The following SLC1A7 variants were observed in gnomAD, a reference collection of about 807,000 sequenced individuals.
SLC1A7 encodes the protein solute carrier family 1 member 7, also known as excitatory amino acid transporter 5.
In SLC1A7, 40 loss-of-function variants were observed where a neutral mutation model predicts 47.7. The observed-to-expected ratio is 0.84, with a 90% CI of 0.65 to 1.09. The LOEUF (loss-of-function observed/expected upper bound fraction) is 1.09, where lower values mean the gene tolerates loss of function less well. Ranked by LOEUF, SLC1A7 falls within the 50% of genes least tolerant of loss-of-function variation. The probability of loss-of-function intolerance (pLI) is 0.00; values close to 1 mark genes in which losing one functional copy is unlikely to be tolerated. For synonymous variants in SLC1A7, 323 were observed against 325.6 expected (o/e 0.99, Z 0.09); for missense variants, 746 against 769.5 (o/e 0.97, Z 0.36).
At chr1:53,103,185 C>G (rs1038871438) in intron 5 of SLC1A7, 161 bp downstream of exon 5, 2 of 582,978 alleles carry the variant, frequency 3.4e-6, no homozygotes, top group East Asian at 6.3e-5. Flanking sequence ...GGTGGGGAGG[C>G]GAAGGATTTA....
rs528836623 is a variant in SLC1A7 at position 53,089,099 on chromosome 1, C to T, written c.1362-120G>A. ...CCAGCTGTCATGCAAAGCCTGCAGC[C>T]AGATGGCTTCCTGGCTCCTCCCAAG... On this transcript the variant is annotated intron_variant, in intron 9 of 10. Coordinates refer to ENST00000371494, the MANE Select transcript of SLC1A7 (RefSeq NM_006671.6). 67 of 794,296 alleles carry T rather than the reference C, an allele frequency of 8.4e-5. No homozygotes were observed. The Admixed American group carries it at 1.1e-3, about 13-fold the overall frequency. The allele number at this position is 794,296 out of a possible 1,614,324, so 49.2% of individuals were successfully genotyped here.
chr1:53,093,386 A>G, intron 6 of SLC1A7, 75 bp downstream of exon 6: 1 of 1,171,232 alleles, frequency 8.5e-7, no homozygotes, highest in South Asian at 1.3e-5. Context: ...TTTACGGGAG[A>G]AGAGGGTGGG....
rs200721868 is a variant in SLC1A7, at chr1:53,088,003, G to A, written c.*6C>T. ...AGGCCTCGCCTGCCCCTGCAGCTCC[G>A]CAGGCTCAGACATTGGTCTCCAGCT... On this transcript the variant is annotated 3_prime_UTR_variant, in exon 11 of 11. Coordinates refer to ENST00000371494, the MANE Select transcript of SLC1A7 (RefSeq NM_006671.6). 1.2e-5 allele frequency: 17 copies of A among 1,474,438 alleles called. No individual in the cohort carries two copies. The East Asian group carries it at 1.5e-4, about 13-fold the overall frequency. The allele number at this position is 1,474,438 out of a possible 1,614,324, so 91.3% of individuals were successfully genotyped here. A position where few individuals can be genotyped will look rare whatever the true frequency, so the allele number is the denominator to read the frequency against.
In SLC1A7 at chr1:53,125,364, G is replaced by A. The variant is rs369772734; in HGVS notation, c.215+8986C>T. Among the ~76,000 whole-genome samples the A allele has an allele frequency of 4.6e-4, 70 of 152,308 alleles. 1 individual carries two copies. Among genetic ancestry groups the A allele is most frequent in the African/African-American group, 1.7e-3 (69 of 41,546 alleles). On this transcript the variant is annotated intron_variant, in intron 2 of 10. Transcript: ENST00000371494. ...AGGCAGCACTGTCAGGGGAAGGGAG[G>A]AGCTGTTGTGGCTTGATGAATGCCT...
chr1:53,127,039 T>TTTTTC (rs1491146465), intron 2 of SLC1A7, among the ~76,000 whole-genome samples: 1 of 402 alleles, frequency 2.5e-3, no homozygotes, highest in Non-Finnish European at 4.4e-3. Context: ...ATTTTAAAAG[T>TTTTTC]TTTTTTTTTT....
chr1:53,129,720 A>G lies in SLC1A7; in HGVS notation c.215+4630T>C, dbSNP rs1006913193. Among the ~76,000 whole-genome samples the G allele has an allele frequency of 4.2e-5, 6 of 141,422 alleles. 2 individuals are homozygous for G. The Admixed American group carries it at 4.3e-4, about 10-fold the overall frequency. 92.8% of individuals were successfully genotyped at this position (141,422 alleles called of 152,430 possible). ...CTCCATGGCAGCCCAGGGGCCTTTC[A>G]GCCCTCACGTCCACCCTTGCAGTCA... On this transcript the variant is annotated intron_variant, in intron 2 of 10. Coordinates refer to ENST00000371494, the MANE Select transcript of SLC1A7 (RefSeq NM_006671.6).
chr1:53,090,636 T>A lies in SLC1A7; in HGVS notation c.1202A>T (p.Asp401Val). The A allele has an allele frequency of 6.2e-7, 1 of 1,602,170 alleles. No homozygotes were observed. Among genetic ancestry groups the A allele is most frequent in the Non-Finnish European group, 8.5e-7 (1 of 1,172,132 alleles). ...FIAQVNNYEL[D>V]FGQIITISIT... ...CCTGATGGTGATGATCTGGCCAAAG[T>A]CCAGCTCGTAGTTGTTGACCTGGGC... is the stretch of plus-strand genomic sequence containing the variant. The change falls in exon 8 of 11, where the codon GAC becomes GTC. Residue 401 changes from aspartate (D) to valine (V), a missense_variant. Physicochemically the swap from Asp to Val is radical, Grantham distance 152. Coordinates refer to ENST00000371494, the MANE Select transcript of SLC1A7 (RefSeq NM_006671.6).
At chr1:53,099,767 C>G (rs1171628878) in intron 5 of SLC1A7, among the ~76,000 whole-genome samples, 1 of 148,398 alleles carries the variant, frequency 6.7e-6, no homozygotes, top group Non-Finnish European at 1.5e-5. Context: ...TGGCACACAC[C>G]CTGTCTCAGT....
At chr1:53,100,495 C>T (rs77433702) in intron 5 of SLC1A7, among the ~76,000 whole-genome samples, 10,687 of 150,712 alleles carry the variant, frequency 0.071, 521 homozygotes, top group East Asian at 0.17. Flanking sequence ...AACGCTGCCT[C>T]GGTACATTCA....
At chr1:53,130,725 C>A (rs1335049468) in intron 2 of SLC1A7, among the ~76,000 whole-genome samples, 6 of 152,166 alleles carry the variant, frequency 3.9e-5, no homozygotes, top group Non-Finnish European at 7.3e-5. Context: ...GGGGTTCTAG[C>A]TCAGTCAGCT....
rs757247194 is a variant in SLC1A7, at chr1:53,142,499, A to G, written c.-50T>C. On this transcript the variant is annotated 5_prime_UTR_variant, in exon 1 of 11. Coordinates refer to ENST00000371494, the MANE Select transcript of SLC1A7 (RefSeq NM_006671.6). ...GGCACAGCACCATTCCACGCATGAG[A>G]GCCCGGCCGGGGGCACAGGGTCTGG... 1.9e-6 allele frequency: 3 copies of G among 1,593,416 alleles called. No homozygotes were observed. The highest frequency in any genetic ancestry group is 2.6e-6 in the Non-Finnish European group (3 of 1,170,338).
Position 53,089,921 on chromosome 1 carries a change from C to T in SLC1A7, c.1240G>A (p.Ala414Thr), listed in dbSNP as rs1419646443. 6.2e-7 allele frequency: 1 copy of T among 1,613,372 alleles called. No homozygotes were observed. The highest frequency in any genetic ancestry group is 2.2e-5 in the East Asian group (1 of 44,878). The part of the protein sequence containing the change: ...QIITISITAT[A>T]ASIGAAGIPQ... ...ATGCCAGCTGCCCCAATGCTGGCTG[C>T]AGTGGCTGTGATACTGCAGGGGGTG... Residue 414 changes from alanine to threonine, a missense_variant, in exon 9 of 11, where the codon GCA becomes ACA. By Grantham distance (58) the Ala-to-Thr change is moderately conservative (BLOSUM62 0). Transcript: ENST00000371494.
chr1:53,103,418 C>T lies in SLC1A7; in HGVS notation c.625G>A (p.Val209Ile), dbSNP rs144184387. The change falls in exon 5 of 11, where the codon GTT becomes ATT. Residue 209 changes from valine to isoleucine, a missense_variant. Coordinates refer to ENST00000371494, the MANE Select transcript of SLC1A7 (RefSeq NM_006671.6). Reference sequence around the variant, plus strand: ...CTGGTGCCCGGCTCTGACTTGTAAACGACCTCGGGCGGCGGGGTCAGGTCC... The same window carrying T: ...CTGGTGCCCGGCTCTGACTTGTAAATGACCTCGGGCGGCGGGGTCAGGTCC... ...ALDLTPPPEVVYKSEPGTSDG... is the reference protein window; with the variant it reads ...ALDLTPPPEVIYKSEPGTSDG... 2.3e-4 allele frequency: 367 copies of T among 1,611,578 alleles called. No individual in the cohort carries two copies. In the African/African-American group the frequency reaches 4.3e-3, roughly 19 times the overall value.
intron 8 of SLC1A7, 67 bp downstream of exon 8, chr1:53,090,545 G>A: frequency 6.8e-7 from 1 of 1,469,400 alleles, no homozygotes; most frequent in Non-Finnish European, 9.0e-7. Flanking sequence ...CTCAAGTCTG[G>A]GAGCCTGGGA....
At position 53,135,686 on chromosome 1, in the gene SLC1A7, T is replaced by C. The variant is rs1227471356; in HGVS notation, c.136-1257A>G. ...AACAACATATAGTTCATTCTTATAC[T>C]AAAAAAAAAAAATGCTGTTTATCTG... On this transcript the variant is annotated intron_variant, in intron 1 of 10. Coordinates refer to ENST00000371494, the MANE Select transcript of SLC1A7 (RefSeq NM_006671.6). 6.7e-5 allele frequency among the ~76,000 whole-genome samples: 10 copies of C among 148,660 alleles called. No individual in the cohort carries two copies. The South Asian group carries it at 2.1e-3, about 32-fold the overall frequency.
rs900247335 is a variant in SLC1A7, at chr1:53,114,609, C to G, written c.431+149G>C. The G allele has an allele frequency of 7.5e-6, 5 of 664,570 alleles. No homozygotes were observed. In the African/African-American group the frequency reaches 9.0e-5, roughly 12 times the overall value. The allele number at this position is 664,570 out of a possible 1,614,324, so 41.2% of individuals were successfully genotyped here. On this transcript the variant is annotated intron_variant, in intron 3 of 10. Coordinates refer to ENST00000371494, the MANE Select transcript of SLC1A7 (RefSeq NM_006671.6). ...GTGGGGCAGACGATGCAGCATGAGC[C>G]CAGCGGGCAGCCCAGAGCTCAACCC... is the stretch of plus-strand genomic sequence containing the variant.
intron 3 of SLC1A7, chr1:53,108,199 G>C (rs1010732632): frequency 1.9e-5 from 4 of 209,080 alleles, no homozygotes; most frequent in Non-Finnish European, 3.8e-5. Flanking sequence ...CCAACCTGCC[G>C]CCCCACACTC....
At chr1:53,140,688 G>C (rs191131345) in intron 1 of SLC1A7, among the ~76,000 whole-genome samples, 50 of 152,246 alleles carry the variant, frequency 3.3e-4, no homozygotes, top group African/African-American at 7.9e-4. Context: ...TGTATGCTGG[G>C]CATTGATGAA....
chr1:53,132,743 G>A (rs1478380785), intron 2 of SLC1A7, among the ~76,000 whole-genome samples: 1 of 151,982 alleles, frequency 6.6e-6, no homozygotes, highest in Non-Finnish European at 1.5e-5. Flanking sequence ...CTACTTGGGG[G>A]GCTGAGGTAG....
Sources: allele counts gnomAD v4.1 joint callset (sites outside exome capture counted in the v4.1 genomes callset), GRCh38; gene constraint gnomAD v4.1.1; transcripts MANE v1.5; gene names NCBI Gene and HGNC (gene_info 2026-07-23, HGNC 2026-07-21).